The following SH3BP1 variants were observed in gnomAD, a reference collection of about 807,000 sequenced individuals.
SH3BP1 encodes the protein SH3 domain binding protein 1.
A neutral mutation model predicts 69.8 loss-of-function variants in SH3BP1; 46 were observed. The ratio of observed to expected loss-of-function variants is 0.66; its 90% CI spans 0.52 to 0.84. SH3BP1 has a LOEUF of 0.84. Ranked by LOEUF, SH3BP1 falls within the 40% of genes least tolerant of loss-of-function variation. SH3BP1 has a pLI of 0.00. For synonymous variants in SH3BP1, 403 were observed against 378.0 expected, an observed-to-expected ratio of 1.07 and a Z score of -0.77; for missense variants, 868 against 930.9, an observed-to-expected ratio of 0.93 and a Z score of 0.88.
chr22:37,643,818 T>C, intron 7 of SH3BP1, 30 bp downstream of exon 7: 1 of 1,609,538 alleles, frequency 6.2e-7, no homozygotes. Context: ...CCTGGATATG[T>C]AGGGGTGGCA....
intron 3 of SH3BP1, 45 bp downstream of exon 3, chr22:37,641,523 C>T: frequency 6.8e-7 from 1 of 1,468,588 alleles, no homozygotes; most frequent in South Asian, 1.3e-5. Context: ...CAGGAGACTT[C>T]CATCCAATGG....
chr22:37,644,607 A>T, intron 7 of SH3BP1, 30 bp from the exon 8 acceptor site: 1 of 1,611,658 alleles, frequency 6.2e-7, no homozygotes, highest in Non-Finnish European at 8.5e-7. Context: ...AGCCTCACCC[A>T]ACGTAAGCTC....
intron 9 of SH3BP1, 47 bp from the exon 10 acceptor site, chr22:37,645,318 C>T: frequency 6.4e-7 from 1 of 1,570,722 alleles, no homozygotes; most frequent in South Asian, 1.2e-5. Context: ...TGCCTGACTG[C>T]TCGGGGTGGG....
At chr22:37,647,621 T>C in intron 13 of SH3BP1, 100 bp downstream of exon 13, 1 of 776,428 alleles carries the variant, frequency 1.3e-6, no homozygotes. Flanking sequence ...TGCCACTGTA[T>C]CCTAAGAAAT....
At position 37,639,682 on chromosome 22, in the gene SH3BP1, A is replaced by G; in HGVS notation, c.-106A>G. On this transcript the variant is annotated 5_prime_UTR_variant, in exon 1 of 18. Coordinates refer to ENST00000649765, the MANE Select transcript of SH3BP1 (RefSeq NM_018957.6). ...GGCCCAGGAAGCGAGAGCGCCGCCC[A>G]CCCATCCGGGGCAAGAGCCGCGCCG... The G allele has an allele frequency of 3.1e-6, 2 of 647,010 alleles. No individual in the cohort carries two copies. Among genetic ancestry groups the G allele is most frequent in the South Asian group, 2.5e-5 (1 of 39,992 alleles). 40.1% of individuals were successfully genotyped at this position (647,010 alleles called of 1,614,324 possible).
Position 37,643,186 on chromosome 22 carries a change from A to G in SH3BP1, c.473+12A>G. On this transcript the variant is annotated intron_variant, in intron 6 of 17. Coordinates refer to ENST00000649765, the MANE Select transcript of SH3BP1 (RefSeq NM_018957.6). ...ACACTCAAGAGCAGGTGGGAGCCCCAGCCGCTCAGGGGGCTCATATCTGGG... is the reference window on the plus strand; with the variant it reads ...ACACTCAAGAGCAGGTGGGAGCCCCGGCCGCTCAGGGGGCTCATATCTGGG... 1.2e-6 allele frequency: 2 copies of G among 1,600,238 alleles called. No homozygotes were observed. The highest frequency in any genetic ancestry group is 1.1e-5 in the South Asian group (1 of 89,192).
chr22:37,645,925 A>G (rs1224063752), intron 10 of SH3BP1, among the ~76,000 whole-genome samples: 3 of 150,616 alleles, frequency 2.0e-5, no homozygotes, highest in Non-Finnish European at 4.4e-5. Context: ...CTGCTCAGCA[A>G]TCCTGCTGTG....
rs199834737 is a variant in SH3BP1, at chr22:37,644,630, C to T, written c.619-7C>T. On this transcript the variant is annotated splice_region_variant and splice_polypyrimidine_tract_variant and intron_variant, in intron 7 of 17. Coordinates refer to ENST00000649765, the MANE Select transcript of SH3BP1 (RefSeq NM_018957.6). ...CCAACGTAAGCTCTCCCCTCTCTGT[C>T]CCCAAGGACGAGTACTTGGCTGACC... 2.6e-4 allele frequency: 415 copies of T among 1,613,908 alleles called. 1 individual carries two copies. Among genetic ancestry groups the T allele is most frequent in the Middle Eastern group, 4.9e-4 (3 of 6,082 alleles).
Position 37,641,426 on chromosome 22 carries a change from G to A in SH3BP1, c.155G>A (p.Arg52Gln), listed in dbSNP as rs762234615. 3 of 1,551,202 alleles carry A rather than the reference G, an allele frequency of 1.9e-6. No individual in the cohort carries two copies. The highest frequency in any genetic ancestry group is 1.2e-5 in the South Asian group (1 of 84,074). Residue 52 changes from arginine (R) to glutamine (Q), a missense_variant, in exon 3 of 18, where the codon CGG (arginine) becomes CAG (glutamine). Transcript: ENST00000649765. ...CGGGCAGCCCACAACATCCACAAGCGGCTGCAGGCCTGTCTGCAGGGCCAG... is the reference window on the plus strand; with the variant it reads ...CGGGCAGCCCACAACATCCACAAGCAGCTGCAGGCCTGTCTGCAGGGCCAG... ...AKRAAHNIHK[R>Q]LQACLQGQSG...
In SH3BP1 at chr22:37,655,417, C is replaced by G; in HGVS notation, c.1839C>G (p.Ser613Arg). ...QALPRRLVGS[S>R]LRAPTVPPPL... ...TGCCCCGACGTCTGGTTGGCAGCAG[C>G]CTCCGAGCCCCCACAGTGCCACCCC... is the stretch of plus-strand genomic sequence containing the variant. The change falls in exon 18 of 18, where the codon AGC (serine) becomes AGG (arginine). Residue 613 changes from serine (S) to arginine (R), a missense_variant. Coordinates refer to ENST00000649765, the MANE Select transcript of SH3BP1 (RefSeq NM_018957.6). The G allele has an allele frequency of 1.4e-6, 2 of 1,445,408 alleles. No homozygotes were observed. The highest frequency in any genetic ancestry group is 1.9e-6 in the Non-Finnish European group (2 of 1,080,632). 89.5% of individuals were successfully genotyped at this position (1,445,408 alleles called of 1,614,324 possible).
chr22:37,641,692 A>C, intron 3 of SH3BP1: 1 of 537,206 alleles, frequency 1.9e-6, no homozygotes, highest in Non-Finnish European at 3.3e-6. Context: ...CAGTTCCCAT[A>C]AGCCAAGGCC....
chr22:37,642,505 C>CG, intron 3 of SH3BP1, 34 bp from the exon 4 acceptor site: 1 of 1,608,972 alleles, frequency 6.2e-7, no homozygotes. Flanking sequence ...GAGGGAGGCA[C>CG]GGACACTCAT....
intron 8 of SH3BP1, 78 bp downstream of exon 8, chr22:37,644,783 A>G (rs1053933980): frequency 1.0e-5 from 16 of 1,604,650 alleles, no homozygotes; most frequent in African/African-American, 8.0e-5. Flanking sequence ...GGGCTCTAAG[A>G]TGGTGGAGGG....
At chr22:37,645,016 A>G in intron 9 of SH3BP1, 56 bp downstream of exon 9, 1 of 1,473,232 alleles carries the variant, frequency 6.8e-7, no homozygotes, top group Non-Finnish European at 9.4e-7. Context: ...CTCGGGGCTT[A>G]TTGAGAAGCT....
intron 5 of SH3BP1, 31 bp from the exon 6 acceptor site, chr22:37,643,067 A>G: frequency 4.0e-6 from 6 of 1,491,246 alleles, no homozygotes; most frequent in Non-Finnish European, 5.6e-6. Context: ...CTCCTCCCCC[A>G]GCACACTGAC....
intron 14 of SH3BP1, 33 bp from the exon 15 acceptor site, chr22:37,650,119 C>A: frequency 6.2e-7 from 1 of 1,612,578 alleles, no homozygotes. Context: ...GGTCACAAAC[C>A]CTTTGCTGAG....
chr22:37,650,156 C>T lies in SH3BP1; in HGVS notation c.1321C>T (p.Gln441Ter). Residue 441 changes from glutamine (Q) to a stop codon, truncating the protein, a stop_gained, in exon 15 of 18, where the codon CAG (glutamine) becomes TAG (stop). Transcript: ENST00000649765. LOFTEE classifies it high-confidence loss of function. Reference protein sequence around the residue: ...LLWPPEKEGDQAQLDAASVSS... With the variant: ...LLWPPEKEGD ...AGATGCATCTCTTTGTCCCAGGGAC[C>T]AGGCCCAGCTGGATGCAGCCTCCGT... The T allele has an allele frequency of 6.2e-7, 1 of 1,614,118 alleles. No individual in the cohort carries two copies. The highest frequency in any genetic ancestry group is 8.5e-7 in the Non-Finnish European group (1 of 1,180,032).
intron 16 of SH3BP1, among the ~76,000 whole-genome samples, chr22:37,651,680 G>T (rs956027260): frequency 6.6e-6 from 1 of 152,024 alleles, no homozygotes; most frequent in African/African-American, 2.4e-5. Flanking sequence ...TGGTACCGTG[G>T]TGCCTCCATA....
intron 14 of SH3BP1, among the ~76,000 whole-genome samples, chr22:37,649,654 C>A (rs1204675720): frequency 6.6e-6 from 1 of 151,998 alleles, no homozygotes; most frequent in Non-Finnish European, 1.5e-5. Context: ...CGTGGTGGTA[C>A]GCGCCTGTAA....
Sources: allele counts gnomAD v4.1 joint callset (sites outside exome capture counted in the v4.1 genomes callset), GRCh38; gene constraint gnomAD v4.1.1; transcripts MANE v1.5; gene names NCBI Gene and HGNC (gene_info 2026-07-23, HGNC 2026-07-21).